DIDO1: variants seen among roughly 807,000 people sequenced by gnomAD.
DIDO1 encodes death inducer-obliterator 1.
Under a neutral mutation model 99.4 loss-of-function variants are expected in DIDO1, and 16 were observed. The ratio of observed to expected loss-of-function variants is 0.16; its 90% CI spans 0.11 to 0.24. The LOEUF (loss-of-function observed/expected upper bound fraction) is 0.24. Ranked by LOEUF, DIDO1 falls within the 10% of genes least tolerant of loss-of-function variation. The probability of loss-of-function intolerance (pLI) is 1.00; values close to 1 mark genes in which losing one functional copy is unlikely to be tolerated. For missense variants in DIDO1, 2,996 were observed against 3,014.0 expected (o/e 0.99, Z 0.14); for synonymous variants, 1,366 against 1,239.1 (o/e 1.10, Z -2.15).
rs749990133 is a variant in DIDO1, at chr20:62,880,814, G to A, written c.5142C>T (p.Ser1714=). ...RNLHSAGRSS[S]PAGETEGDRE... is the part of the protein sequence containing the mutation. ...TGTCCCCCTCTGTTTCACCTGCAGG[G>A]CTGCTGCTCCTTCCAGCAGAATGAA... is the stretch of plus-strand genomic sequence containing the variant. Residue 1714 remains serine, a synonymous_variant, in exon 16 of 16, where the codon AGC becomes AGT. Transcript: ENST00000395343. The A allele has an allele frequency of 6.2e-7, 1 of 1,612,636 alleles. No individual in the cohort carries two copies. Among genetic ancestry groups the A allele is most frequent in the African/African-American group, 1.3e-5 (1 of 74,916 alleles).
chr20:62,882,939 T>C (rs1040634278), intron 15 of DIDO1, among the ~76,000 whole-genome samples: 3 of 118,252 alleles, frequency 2.5e-5, no homozygotes, highest in Admixed American at 8.6e-5. Flanking sequence ...TTTTTTTTTT[T>C]TGAGATGGAG....
chr20:62,928,949 C>G (rs2065295080), upstream of DIDO1: 1 of 150,070 alleles, frequency 6.7e-6, no homozygotes, highest in South Asian at 2.1e-4. Flanking sequence ...AAGTACAATC[C>G]GGAAAACTCA....
At chr20:62,888,515 G>A (rs985016729) in intron 15 of DIDO1, 2 of 985,522 alleles carry the variant, frequency 2.0e-6, no homozygotes, top group Non-Finnish European at 1.2e-6. Context: ...CGCAGCACAC[G>A]CTCACCCCTG....
At chr20:62,883,264 C>T (rs767022639) in intron 15 of DIDO1, among the ~76,000 whole-genome samples, 8 of 152,062 alleles carry the variant, frequency 5.3e-5, no homozygotes, top group African/African-American at 7.2e-5. Context: ...CACATAATTA[C>T]TCTAAATATA....
intron 6 of DIDO1, among the ~76,000 whole-genome samples, chr20:62,897,226 T>C (rs1165318476): frequency 6.6e-6 from 1 of 152,220 alleles, no homozygotes; most frequent in African/African-American, 2.4e-5. Flanking sequence ...AGAAGAATGC[T>C]TTATTATTCT....
intron 6 of DIDO1, chr20:62,905,597 AG>A (rs2064784254): frequency 6.4e-7 from 1 of 1,551,358 alleles, no homozygotes; most frequent in Non-Finnish European, 8.7e-7. Context: ...AATACTTACC[AG>A]AGCCTGAGAG....
chr20:62,882,464 AC>A (rs775791170), intron 15 of DIDO1, 50 bp from the exon 16 acceptor site: 5 of 1,544,728 alleles, frequency 3.2e-6, no homozygotes, highest in Middle Eastern at 1.8e-4. Context: ...TCCAGCTTTT[AC>A]CCTTTAGAGG....
At position 62,911,443 on chromosome 20, in the gene DIDO1, A is replaced by T; in HGVS notation, c.170T>A (p.Leu57Gln). 1.2e-6 allele frequency: 2 copies of T among 1,612,254 alleles called. No individual in the cohort carries two copies. The highest frequency in any genetic ancestry group is 2.2e-5 in the South Asian group (2 of 90,842). Residue 57 changes from leucine (L) to glutamine (Q), a missense_variant, in exon 3 of 16, where the codon CTG (leucine) becomes CAG (glutamine). Around this residue, in one of 5 missense-constraint regions of DIDO1, gnomAD observed 388 missense variants for 376.6 expected, o/e 1.03. Transcript: ENST00000395343. This position sits in a 1 kb window ranked among gnomAD's most constrained non-coding sequence, Gnocchi z 7.0. ...PLEPPPPQQQ[L>Q]GLSLRRSGRQ... The stretch of plus-strand genomic sequence containing the variant: ...CCCACTGCGCCGCAGGGACAGGCCC[A>T]GCTGCTGCTGTGGGGGTGGCGGCTC...
At position 62,881,122 on chromosome 20, in the gene DIDO1, T is replaced by C; in HGVS notation, c.4834A>G (p.Lys1612Glu). 6.2e-7 allele frequency: 1 copy of C among 1,609,224 alleles called. No individual in the cohort carries two copies. The highest frequency in any genetic ancestry group is 8.5e-7 in the Non-Finnish European group (1 of 1,179,522). Residue 1612 changes from lysine to glutamate, a missense_variant, in exon 16 of 16, where the codon AAA (lysine) becomes GAA (glutamate). Around this residue, in one of 5 missense-constraint regions of DIDO1, gnomAD observed 1,562 missense variants for 1,412.6 expected, o/e 1.11. Transcript: ENST00000395343. This position sits in a 1 kb window ranked among gnomAD's most constrained non-coding sequence, Gnocchi z 8.3. ...GQAPMPVPEE[K>E]EPASSPWASG... is the part of the protein sequence containing the mutation. ...GCCCAGGGGGAAGAGGCTGGCTCTT[T>C]TTCCTCCGGGACTGGCATGGGCGCC...
Position 62,891,075 on chromosome 20 carries a change from G to T in DIDO1, c.3426C>A (p.Ser1142Arg). 6.2e-7 allele frequency: 1 copy of T among 1,614,180 alleles called. No homozygotes were observed. Among genetic ancestry groups the T allele is most frequent in the Non-Finnish European group, 8.5e-7 (1 of 1,180,034 alleles). Residue 1142 changes from serine to arginine, a missense_variant, in exon 15 of 16, where the codon AGC becomes AGA. By Grantham distance (110) the Ser-to-Arg change is moderately radical. Around this residue, in one of 5 missense-constraint regions of DIDO1, gnomAD observed 135 missense variants for 202.3 expected, o/e 0.67. Transcript: ENST00000395343. ...AYISLYSYFS[S>R]RGRFGVVANN... is the part of the protein sequence containing the mutation. ...TAGCTACAACACCAAAGCGGCCACG[G>T]CTGCTGAAATAGGAGTAGAGAGAGA...
rs1568876614 is a variant in DIDO1, at chr20:62,914,457, GACA to G, written c.-199-54_-199-52del. Reference sequence around the variant, plus strand: ...ACATATCTTAAGTAAACTACGTATCGACAACAATTAAAAGGGAGTACCGAACTT... The same window carrying G: ...ACATATCTTAAGTAAACTACGTATCGACAATTAAAAGGGAGTACCGAACTT... On this transcript the variant is annotated intron_variant, in intron 1 of 15. Coordinates refer to ENST00000395343, the MANE Select transcript of DIDO1 (RefSeq NM_001193369.2). 4 of 152,284 alleles carry G rather than the reference GACA, an allele frequency of 2.6e-5. No homozygotes were observed. The East Asian group carries it at 7.7e-4, about 29-fold the overall frequency. 9.4% of individuals were successfully genotyped at this position (152,284 alleles called of 1,614,324 possible).
At position 62,890,685 on chromosome 20, in the gene DIDO1, T is replaced by C. The variant is rs1044120324; in HGVS notation, c.3541+275A>G. 3 of 1,306,500 alleles carry C rather than the reference T, an allele frequency of 2.3e-6. No individual in the cohort carries two copies. The African/African-American group carries it at 4.5e-5, about 20-fold the overall frequency. 80.9% of individuals were successfully genotyped at this position (1,306,500 alleles called of 1,614,324 possible). A position where few individuals can be genotyped will look rare whatever the true frequency, so the allele number is the denominator to read the frequency against. On this transcript the variant is annotated intron_variant, in intron 15 of 15. Coordinates refer to ENST00000395343, the MANE Select transcript of DIDO1 (RefSeq NM_001193369.2). ...TTGGGCTTCTGGGCACTGAGTCTTC[T>C]CTGACCTGAGGCCAAGATGAGCTGG...
At chr20:62,910,058 G>A in intron 3 of DIDO1, 38 bp from the exon 4 acceptor site, 1 of 1,579,872 alleles carries the variant, frequency 6.3e-7, no homozygotes, top group Non-Finnish European at 8.6e-7. Context: ...AATGGGACGT[G>A]AGTGACAAGC....
chr20:62,912,424 T>G (rs1248383042), intron 2 of DIDO1, among the ~76,000 whole-genome samples: 3 of 143,430 alleles, frequency 2.1e-5, no homozygotes, highest in Non-Finnish European at 3.0e-5. Context: ...CTTTAAGGTA[T>G]ATTTCTTTTT....
chr20:62,879,969 G>A lies in DIDO1; in HGVS notation c.5987C>T (p.Ala1996Val). Residue 1996 changes from alanine to valine, a missense_variant, in exon 16 of 16, where the codon GCA becomes GTA. Ala to Val is a moderately conservative substitution (Grantham distance 64). This residue lies in a region of DIDO1 where 1,562 missense variants were observed against 1,412.6 expected (regional missense o/e 1.11). Coordinates refer to ENST00000395343, the MANE Select transcript of DIDO1 (RefSeq NM_001193369.2). This position sits in a 1 kb window ranked among gnomAD's most constrained non-coding sequence, Gnocchi z 6.3. ...PLQFGGLRGS[A>V]PFSEKNEQTP... ...CTGCTCATTTTTTTCAGAAAAGGGTGCGGACCCCCGTAGTCCACCAAACTG... is the reference window on the plus strand; with the variant it reads ...CTGCTCATTTTTTTCAGAAAAGGGTACGGACCCCCGTAGTCCACCAAACTG... 1.2e-6 allele frequency: 2 copies of A among 1,610,058 alleles called. No homozygotes were observed. Among genetic ancestry groups the A allele is most frequent in the African/African-American group, 2.7e-5 (2 of 74,666 alleles).
At chr20:62,916,969 C>T (rs998142299) in intron 1 of DIDO1, among the ~76,000 whole-genome samples, 4 of 152,192 alleles carry the variant, frequency 2.6e-5, no homozygotes, top group Non-Finnish European at 5.9e-5. Flanking sequence ...CTGGATGACA[C>T]GGGTTCAAGT....
At chr20:62,887,645 T>C in intron 15 of DIDO1, 1 of 985,510 alleles carries the variant, frequency 1.0e-6, no homozygotes, top group Non-Finnish European at 1.2e-6. Flanking sequence ...CTGGGCATGG[T>C]TAACAGGCAG....
chr20:62,891,898 T>C lies in DIDO1; in HGVS notation c.3345+89A>G. 2 of 1,080,282 alleles carry C rather than the reference T, an allele frequency of 1.9e-6. 1 individual carries two copies. The highest frequency in any genetic ancestry group is 3.2e-5 in the South Asian group (2 of 63,020). 66.9% of individuals were successfully genotyped at this position (1,080,282 alleles called of 1,614,324 possible). ...AAGCTACAGGCTAACATTTTAAGTG[T>C]TAACCCATCCAAACGAGAGGTTAAA... On this transcript the variant is annotated intron_variant, in intron 14 of 15. Transcript: ENST00000395343.
intron 1 of DIDO1, among the ~76,000 whole-genome samples, chr20:62,914,632 G>A (rs911045222): frequency 7.2e-5 from 11 of 152,102 alleles, no homozygotes; most frequent in African/African-American, 1.7e-4. Context: ...CCGGGGCAGC[G>A]CAGGAAGGAG....
Sources: allele counts gnomAD v4.1 joint callset (sites outside exome capture counted in the v4.1 genomes callset), GRCh38; gene constraint gnomAD v4.1.1; regional missense constraint gnomAD v4.1.1; non-coding constraint Gnocchi (gnomAD v3.1); transcripts MANE v1.5; gene names NCBI Gene and HGNC (gene_info 2026-07-23, HGNC 2026-07-21).